The following COL6A5 variants were observed in gnomAD, a reference collection of about 807,000 sequenced individuals.
The protein encoded by COL6A5 is collagen alpha-5(VI) chain.
Under a neutral mutation model 65.6 loss-of-function variants are expected in COL6A5, and 48 were observed. The observed-to-expected ratio is 0.73, with a 90% CI of 0.58 to 0.93. The LOEUF is 0.93. Among genes scored for constraint, COL6A5 ranks in the 40% least tolerant of loss-of-function variants. The probability of loss-of-function intolerance (pLI) is 0.00; values close to 1 mark genes in which losing one functional copy is unlikely to be tolerated. For synonymous variants in COL6A5, 291 were observed against 322.8 expected (o/e 0.90, Z 1.05); for missense variants, 914 against 928.3 (o/e 0.98, Z 0.20).
chr3:130,456,891 C>T (rs1047218419), intron 5 of COL6A5, among the ~76,000 whole-genome samples: 2 of 151,884 alleles, frequency 1.3e-5, no homozygotes, highest in Non-Finnish European at 2.9e-5. Flanking sequence ...ATACTCGAAC[C>T]TTATCTTTAA....
intron 1 of COL6A5, among the ~76,000 whole-genome samples, chr3:130,357,476 T>A (rs927813055): frequency 6.6e-6 from 1 of 152,194 alleles, no homozygotes. Context: ...TCCAACATGA[T>A]TGATACCTGG....
intron 1 of COL6A5, among the ~76,000 whole-genome samples, chr3:130,370,395 C>G (rs1327458828): frequency 6.6e-6 from 1 of 152,030 alleles, no homozygotes; most frequent in African/African-American, 2.4e-5. Context: ...GAGTGGCTTC[C>G]CCTGAATAAC....
At chr3:130,352,321 T>C in intron 1 of COL6A5, among the ~76,000 whole-genome samples, 1 of 151,600 alleles carries the variant, frequency 6.6e-6, no homozygotes. Context: ...AAAAGATTCG[T>C]TGGAAAATGG....
intron 5 of COL6A5, among the ~76,000 whole-genome samples, chr3:130,464,492 C>T (rs1418518671): frequency 6.6e-6 from 1 of 151,854 alleles, no homozygotes; most frequent in Non-Finnish European, 1.5e-5. Context: ...AATTGAAATA[C>T]TGTAGTTGAA....
chr3:130,380,618 A>G (rs1935964932), intron 4 of COL6A5, among the ~76,000 whole-genome samples: 1 of 152,174 alleles, frequency 6.6e-6, no homozygotes, highest in Non-Finnish European at 1.5e-5. Flanking sequence ...GCCACCAGCC[A>G]TGTGTGACTA....
chr3:130,401,746 A>G lies in COL6A5; in HGVS notation c.4135-16A>G. On this transcript the variant is annotated splice_polypyrimidine_tract_variant and intron_variant and NMD_transcript_variant, in intron 11 of 41. Transcript: ENST00000312481. The stretch of plus-strand genomic sequence containing the variant: ...TGACAATTGCTATTCCCTCAGCTTT[A>G]CTTTTTTTCCCCCAGGGAAATATTG... 1 of 1,536,632 alleles carries G rather than the reference A, an allele frequency of 6.5e-7. No homozygotes were observed. Among genetic ancestry groups the G allele is most frequent in the South Asian group, 1.2e-5 (1 of 83,626 alleles).
intron 4 of COL6A5, among the ~76,000 whole-genome samples, chr3:130,383,624 T>C (rs1241530792): frequency 6.6e-6 from 1 of 152,102 alleles, no homozygotes; most frequent in African/African-American, 2.4e-5. Context: ...GTATATCTGA[T>C]TTCCTAAGGA....
At chr3:130,385,291 T>G (rs765541328) in exon 5 of COL6A5, 10 of 1,550,796 alleles carry the variant, frequency 6.4e-6, no homozygotes, top group Non-Finnish European at 8.7e-6. Flanking sequence ...AAGAAAGGGT[T>G]AGCTTTGGGC....
upstream of COL6A5, among the ~76,000 whole-genome samples, chr3:130,429,255 T>A (rs1022652029): frequency 6.6e-6 from 1 of 152,238 alleles, no homozygotes; most frequent in African/African-American, 2.4e-5. Context: ...GAATTTCAGC[T>A]ATCTTGCTGT....
At chr3:130,418,961 C>T (rs1004438255) in intron 25 of COL6A5, 30 bp downstream of exon 25, 1 of 1,536,886 alleles carries the variant, frequency 6.5e-7, no homozygotes, top group African/African-American at 1.4e-5. Context: ...CTACCCTCCC[C>T]AGATCTGGGT....
chr3:130,413,477 C>G (rs1449239665), intron 20 of COL6A5, 68 bp from the exon 21 acceptor site: 16 of 1,393,368 alleles, frequency 1.1e-5, no homozygotes, highest in Non-Finnish European at 1.5e-5. Context: ...ATGAAAGAGG[C>G]TGATTTGCCT....
intron 1 of COL6A5, among the ~76,000 whole-genome samples, chr3:130,369,050 T>G (rs1031830336): frequency 2.0e-5 from 3 of 152,158 alleles, no homozygotes; most frequent in Non-Finnish European, 4.4e-5. Flanking sequence ...CCCTTCTCCC[T>G]CTACTGGAGC....
intron 20 of COL6A5, 149 bp downstream of exon 20, chr3:130,410,673 A>AG (rs35209265): frequency 0.12 from 79,992 of 676,928 alleles, 5,018 homozygotes; most frequent in Middle Eastern, 0.15. Context: ...ATTTGGGGCC[A>AG]ATAATTATTT....
rs138082929 is a variant in COL6A5 at position 130,413,740 on chromosome 3, C to T, written c.4698+160C>T. Among the ~76,000 whole-genome samples the T allele has an allele frequency of 5.4e-3, 824 of 151,756 alleles. 7 individuals carry two copies. The highest frequency in any genetic ancestry group is 0.019 in the African/African-American group (797 of 41,468). On this transcript the variant is annotated intron_variant and NMD_transcript_variant, in intron 21 of 41. Transcript: ENST00000312481. ...CACTGACCCAATAATCACTGCAGCT[C>T]CCGGGAACAGAACAGACCTAAGGAA... is the stretch of plus-strand genomic sequence containing the variant.
At chr3:130,359,916 A>G (rs944003045) in intron 1 of COL6A5, among the ~76,000 whole-genome samples, 6 of 152,068 alleles carry the variant, frequency 3.9e-5, no homozygotes, top group African/African-American at 1.4e-4. Flanking sequence ...ATTTTTAGTT[A>G]TTTACTTCCA....
intron 7 of COL6A5, 122 bp downstream of exon 7, chr3:130,391,876 C>G (rs1559875167): frequency 7.6e-6 from 6 of 784,352 alleles, no homozygotes; most frequent in South Asian, 5.7e-5. Flanking sequence ...TCTGCTCAGG[C>G]TATCAGTTTT....
chr3:130,456,948 GAC>G (rs1709588450), intron 5 of COL6A5, among the ~76,000 whole-genome samples: 1 of 151,816 alleles, frequency 6.6e-6, no homozygotes, highest in South Asian at 2.1e-4. Context: ...GGATAAAAAA[GAC>G]AATCATTAGT....
intron 10 of COL6A5, among the ~76,000 whole-genome samples, chr3:130,399,370 CTTTTT>C (rs34407199): frequency 1.5e-5 from 2 of 130,458 alleles, no homozygotes; most frequent in Non-Finnish European, 3.2e-5. Context: ...TCATTTCTTT[CTTTTT>C]TTTTTTTTTT....
At chr3:130,446,243 G>A (rs545232150) in intron 4 of COL6A5, among the ~76,000 whole-genome samples, 94 of 152,248 alleles carry the variant, frequency 6.2e-4, no homozygotes, top group African/African-American at 1.9e-3. Context: ...ACACACTATC[G>A]TTAGTGTAGA....
Sources: allele counts gnomAD v4.1 joint callset (sites outside exome capture counted in the v4.1 genomes callset), GRCh38; gene constraint gnomAD v4.1.1; transcripts MANE v1.5; gene names NCBI Gene and HGNC (gene_info 2026-07-23, HGNC 2026-07-21).